The following FEZ1 variants were observed in gnomAD, a reference collection of about 807,000 sequenced individuals.
FEZ1 encodes fasciculation and elongation protein zeta 1.
FEZ1 carries 20 observed loss-of-function variants against 49.3 expected under a neutral mutation model. The observed-to-expected ratio is 0.41, with a 90% CI of 0.29 to 0.59. The LOEUF is 0.59. FEZ1 is among the 20% of genes least tolerant of loss of function. The probability of loss-of-function intolerance (pLI) is 0.36; values close to 1 mark genes in which losing one functional copy is unlikely to be tolerated. For synonymous variants in FEZ1, 170 were observed against 180.9 expected (o/e 0.94, Z 0.48); for missense variants, 413 against 476.0 (o/e 0.87, Z 1.23).
At chr11:125,479,522 T>C (rs1317153069) in intron 3 of FEZ1, among the ~76,000 whole-genome samples, 1 of 152,252 alleles carries the variant, frequency 6.6e-6, no homozygotes, top group Non-Finnish European at 1.5e-5. Context: ...TTTTATCTTT[T>C]GCTGTGCTCT....
intron 4 of FEZ1, among the ~76,000 whole-genome samples, chr11:125,462,721 A>T (rs1311745640): frequency 6.6e-6 from 1 of 152,224 alleles, no homozygotes; most frequent in East Asian, 1.9e-4. Context: ...TGAGTTGGAC[A>T]GTCACCGTGG....
At chr11:125,450,565 G>C (rs1956945123) in intron 8 of FEZ1, among the ~76,000 whole-genome samples, 1 of 152,228 alleles carries the variant, frequency 6.6e-6, no homozygotes, top group Admixed American at 6.5e-5. Context: ...GAGTAGAAGA[G>C]AGAAGAGGCA....
intron 4 of FEZ1, among the ~76,000 whole-genome samples, chr11:125,461,773 G>T (rs866827071): frequency 3.3e-5 from 5 of 152,348 alleles, no homozygotes; most frequent in African/African-American, 1.2e-4. Context: ...TGTACTCTTT[G>T]AGGTGGTTTC....
At position 125,460,579 on chromosome 11, in the gene FEZ1, T is replaced by C. The variant is rs1162706317; in HGVS notation, c.586A>G (p.Thr196Ala). ...AGGACCGAGTCTGCCTGGGAGGAAG[T>C]TTCTCCTCCATCCTCTTCTTCCAGA... is the stretch of plus-strand genomic sequence containing the variant. ...EVLEEEDGGE[T>A]SSQADSVLLQ... The change falls in exon 5 of 10, where the codon ACT (threonine) becomes GCT (alanine). Residue 196 changes from threonine (T) to alanine (A), a missense_variant. By Grantham distance (58) the Thr-to-Ala change is moderately conservative (BLOSUM62 0). Coordinates refer to ENST00000278919, the MANE Select transcript of FEZ1 (RefSeq NM_005103.5). 4.3e-6 allele frequency: 7 copies of C among 1,613,620 alleles called. No individual in the cohort carries two copies. Among genetic ancestry groups the C allele is most frequent in the Non-Finnish European group, 5.9e-6 (7 of 1,179,650 alleles).
At chr11:125,459,274 G>A (rs1056044290) in intron 5 of FEZ1, among the ~76,000 whole-genome samples, 2 of 152,052 alleles carry the variant, frequency 1.3e-5, no homozygotes, top group African/African-American at 4.8e-5. Flanking sequence ...CTCCCATCCT[G>A]GTTTAGTGCT....
intron 3 of FEZ1, among the ~76,000 whole-genome samples, chr11:125,478,547 G>A (rs1315870090): frequency 6.6e-6 from 1 of 152,188 alleles, no homozygotes; most frequent in Admixed American, 6.5e-5. Context: ...AAGCGCTTTT[G>A]GTCGTATGTT....
At chr11:125,477,960 T>C (rs1360513508) in intron 3 of FEZ1, among the ~76,000 whole-genome samples, 3 of 152,220 alleles carry the variant, frequency 2.0e-5, no homozygotes, top group African/African-American at 7.2e-5. Flanking sequence ...TGTTTTGTCT[T>C]GCACTTACAG....
rs372153430 is a variant in FEZ1 at position 125,444,529 on chromosome 11, G to A, written c.*1566C>T. On this transcript the variant is annotated 3_prime_UTR_variant, in exon 10 of 10. Transcript: ENST00000278919. Reference sequence around the variant, plus strand: ...GAACGTGGGAGGCGGAGTTTGCGGCGAGCTGAGATAGCGCCATTGTACTCC... The same window carrying A: ...GAACGTGGGAGGCGGAGTTTGCGGCAAGCTGAGATAGCGCCATTGTACTCC... Among the ~76,000 whole-genome samples the A allele has an allele frequency of 3.3e-5, 5 of 152,118 alleles. No homozygotes were observed. Among genetic ancestry groups the A allele is most frequent in the Middle Eastern group, 3.4e-3 (1 of 294 alleles).
At chr11:125,477,968 C>T (rs1957246870) in intron 3 of FEZ1, among the ~76,000 whole-genome samples, 2 of 152,138 alleles carry the variant, frequency 1.3e-5, no homozygotes, top group African/African-American at 4.8e-5. Flanking sequence ...CTTGCACTTA[C>T]AGTGCATTAC....
intron 9 of FEZ1, among the ~76,000 whole-genome samples, chr11:125,446,348 A>C (rs1486210065): frequency 2.0e-5 from 3 of 152,162 alleles, no homozygotes; most frequent in African/African-American, 7.2e-5. Context: ...TAACTACATG[A>C]CCTTAGGGAA....
At chr11:125,455,744 TTGA>T in intron 6 of FEZ1, 88 bp downstream of exon 6, 1 of 1,349,710 alleles carries the variant, frequency 7.4e-7, no homozygotes, top group East Asian at 2.3e-5. Context: ...TCGGTAAACG[TTGA>T]TGAGTCCCCT....
chr11:125,449,417 TAA>T (rs35920814), intron 8 of FEZ1, among the ~76,000 whole-genome samples: 1,116 of 27,002 alleles, frequency 0.041, 18 homozygotes, highest in Non-Finnish European at 0.057. Flanking sequence ...TTTGTCTCTA[TAA>T]AAAAAAAAAA....
At position 125,460,686 on chromosome 11, in the gene FEZ1, G is replaced by C. The variant is rs1426119005; in HGVS notation, c.499-20C>G. The C allele has an allele frequency of 6.2e-7, 1 of 1,610,140 alleles. No individual in the cohort carries two copies. ...AATTACCTGAAGAAGGTACACGAGA[G>C]AGTGCTAACTCTGTTCTCTGCTAGA... On this transcript the variant is annotated intron_variant, in intron 4 of 9. Coordinates refer to ENST00000278919, the MANE Select transcript of FEZ1 (RefSeq NM_005103.5).
intron 3 of FEZ1, among the ~76,000 whole-genome samples, chr11:125,476,417 G>C (rs1957234583): frequency 6.6e-6 from 1 of 152,092 alleles, no homozygotes; most frequent in Non-Finnish European, 1.5e-5. Context: ...ACATCATAAA[G>C]GAGAAAAGCT....
intron 3 of FEZ1, among the ~76,000 whole-genome samples, chr11:125,467,438 C>T (rs1957141293): frequency 6.6e-6 from 1 of 152,168 alleles, no homozygotes; most frequent in African/African-American, 2.4e-5. Context: ...GGGCATGCAG[C>T]CAACACATAT....
chr11:125,494,576 G>A (rs1957438508), intron 1 of FEZ1, among the ~76,000 whole-genome samples: 1 of 152,194 alleles, frequency 6.6e-6, no homozygotes, highest in African/African-American at 2.4e-5. Flanking sequence ...GCAGAAAGAA[G>A]GAACCATGGG....
intron 2 of FEZ1, among the ~76,000 whole-genome samples, chr11:125,482,609 T>C (rs895114590): frequency 2.0e-5 from 3 of 152,038 alleles, no homozygotes; most frequent in Non-Finnish European, 2.9e-5. Context: ...AAGAGATTAA[T>C]GTAAATCAGT....
At chr11:125,463,218 G>A (rs1957092202) in intron 4 of FEZ1, 1 of 217,274 alleles carries the variant, frequency 4.6e-6, no homozygotes, top group African/African-American at 2.3e-5. Context: ...AGGCAGGAAA[G>A]TCACTTGAAT....
intron 9 of FEZ1, among the ~76,000 whole-genome samples, chr11:125,446,805 G>A (rs1258052641): frequency 1.3e-5 from 2 of 151,954 alleles, no homozygotes; most frequent in Non-Finnish European, 2.9e-5. Context: ...AGCCTCCTGA[G>A]TAGTTGGGAC....
Sources: allele counts gnomAD v4.1 joint callset (sites outside exome capture counted in the v4.1 genomes callset), GRCh38; gene constraint gnomAD v4.1.1; transcripts MANE v1.5; gene names NCBI Gene and HGNC (gene_info 2026-07-23, HGNC 2026-07-21).